The following ZC3H7A variants were observed in gnomAD, a reference collection of about 807,000 sequenced individuals.
ZC3H7A encodes the protein zinc finger CCCH domain-containing protein 7A.
In ZC3H7A, 44 loss-of-function variants were observed where a neutral mutation model predicts 125.5. The observed-to-expected ratio is 0.35, with a 90% CI of 0.28 to 0.45. The LOEUF (loss-of-function observed/expected upper bound fraction) is 0.45, where lower values mean the gene tolerates loss of function less well. Ranked by LOEUF, ZC3H7A falls within the 20% of genes least tolerant of loss-of-function variation. The pLI is 1.00. For missense variants in ZC3H7A, 977 were observed against 1,170.7 expected (o/e 0.83, Z 2.41); for synonymous variants, 399 against 391.2 (o/e 1.02, Z -0.23).
chr16:11,768,822 C>T (rs1230427065), intron 11 of ZC3H7A, among the ~76,000 whole-genome samples: 1 of 152,130 alleles, frequency 6.6e-6, no homozygotes, highest in Non-Finnish European at 1.5e-5. Context: ...CTTACATTGT[C>T]TGCAATACCG....
chr16:11,770,388 A>G (rs2052959118), intron 10 of ZC3H7A, among the ~76,000 whole-genome samples: 1 of 152,186 alleles, frequency 6.6e-6, no homozygotes, highest in Non-Finnish European at 1.5e-5. Context: ...TCTGATTGCT[A>G]GCATTCTAAA....
intron 1 of ZC3H7A, 110 bp from the exon 2 acceptor site, chr16:11,782,498 T>C: frequency 1.1e-6 from 1 of 903,240 alleles, no homozygotes; most frequent in Non-Finnish European, 1.7e-6. Context: ...GACACATCCA[T>C]TTCTGACTTG....
At chr16:11,768,888 T>C in intron 11 of ZC3H7A, 143 bp downstream of exon 11, 2 of 784,968 alleles carry the variant, frequency 2.5e-6, no homozygotes, top group Non-Finnish European at 4.0e-6. Context: ...TACTAGATGT[T>C]CCAGAAGTCT....
intron 20 of ZC3H7A, among the ~76,000 whole-genome samples, chr16:11,757,185 G>A (rs990621457): frequency 2.6e-5 from 4 of 152,058 alleles, no homozygotes; most frequent in Non-Finnish European, 4.4e-5. Flanking sequence ...GGGAAGGGGA[G>A]TGGCAAAATT....
chr16:11,796,249 G>C (rs1459297576), intron 1 of ZC3H7A: 3 of 152,160 alleles, frequency 2.0e-5, no homozygotes, highest in Non-Finnish European at 4.4e-5. Flanking sequence ...TTTCTCATCC[G>C]AAGTTTTTAA....
At chr16:11,752,513 G>C (rs1003478808) in intron 22 of ZC3H7A, among the ~76,000 whole-genome samples, 156 bp downstream of exon 22, 1 of 152,138 alleles carries the variant, frequency 6.6e-6, no homozygotes, top group Admixed American at 6.5e-5. Flanking sequence ...GATGAGCAGC[G>C]AAACACTTTG....
At chr16:11,770,485 C>G (rs188724523) in intron 10 of ZC3H7A, among the ~76,000 whole-genome samples, 1 of 152,160 alleles carries the variant, frequency 6.6e-6, no homozygotes, top group Non-Finnish European at 1.5e-5. Context: ...TACACCTTTA[C>G]GGGAGAATAC....
intron 20 of ZC3H7A, 82 bp downstream of exon 20, chr16:11,758,349 C>T: frequency 9.7e-7 from 1 of 1,030,204 alleles, no homozygotes; most frequent in Non-Finnish European, 1.5e-6. Flanking sequence ...TTTCTGTGTT[C>T]ACAGGAAGCT....
Position 11,756,332 on chromosome 16 carries a change from T to C in ZC3H7A, c.2467A>G (p.Ser823Gly). ...TCTTCACTTTTTTCATTTTTTTGACTCTTGAGCCATAGTTCGTAAAATTGC... is the reference window on the plus strand; with the variant it reads ...TCTTCACTTTTTTCATTTTTTTGACCCTTGAGCCATAGTTCGTAAAATTGC... ...MEQFYELWLK[S>G]QKNEKSEDIA... The change falls in exon 21 of 23, where the codon AGT becomes GGT. Residue 823 changes from serine to glycine, a missense_variant. Transcript: ENST00000355758. 1.2e-6 allele frequency: 2 copies of C among 1,613,900 alleles called. No homozygotes were observed. The highest frequency in any genetic ancestry group is 1.6e-4 in the Middle Eastern group (1 of 6,062).
intron 18 of ZC3H7A, 179 bp from the exon 19 acceptor site, chr16:11,761,690 A>G: frequency 1.2e-6 from 1 of 831,858 alleles, no homozygotes; most frequent in Non-Finnish European, 1.8e-6. Context: ...CACTCCCTAC[A>G]AACTCTAAAC....
At chr16:11,776,197 T>A in intron 7 of ZC3H7A, 123 bp downstream of exon 7, 1 of 918,526 alleles carries the variant, frequency 1.1e-6, no homozygotes, top group South Asian at 1.6e-5. Flanking sequence ...GTATTGCCAA[T>A]TACGTGTTTG....
chr16:11,783,479 T>C (rs1298756165), intron 1 of ZC3H7A, among the ~76,000 whole-genome samples: 1 of 152,176 alleles, frequency 6.6e-6, no homozygotes, highest in Non-Finnish European at 1.5e-5. Flanking sequence ...AGCTAATTCC[T>C]TGTCTTGTGA....
In ZC3H7A at chr16:11,758,306, T is replaced by C. The variant is rs895021085; in HGVS notation, c.2428+125A>G. Reference sequence around the variant, plus strand: ...GCATCATCGCCAACAGAGCTACTGATGAAACGGGGCAACCGTTTAGAATGC... The same window carrying C: ...GCATCATCGCCAACAGAGCTACTGACGAAACGGGGCAACCGTTTAGAATGC... On this transcript the variant is annotated intron_variant, in intron 20 of 22. Coordinates refer to ENST00000355758, the MANE Select transcript of ZC3H7A (RefSeq NM_014153.4). The C allele has an allele frequency of 8.3e-6, 6 of 724,944 alleles. No homozygotes were observed. In the Admixed American group the frequency reaches 1.3e-4, roughly 15 times the overall value. 44.9% of individuals were successfully genotyped at this position (724,944 alleles called of 1,614,324 possible).
rs1331438365 is a variant in ZC3H7A at position 11,762,714 on chromosome 16, T to G, written c.2036A>C (p.Lys679Thr). The G allele has an allele frequency of 6.2e-7, 1 of 1,613,982 alleles. No homozygotes were observed. The highest frequency in any genetic ancestry group is 8.5e-7 in the Non-Finnish European group (1 of 1,180,010). The change falls in exon 17 of 23, where the codon AAA becomes ACA. Residue 679 changes from lysine to threonine, a missense_variant. By Grantham distance (78) the Lys-to-Thr change is moderately conservative. Transcript: ENST00000355758. ...ISHDAIAQES[K>T]RYWQNLEANV... ...TGCTTCCAAATTCTGCCAATATCGT[T>G]TAGACTCTTGAGCAATAGCATCATG...
chr16:11,787,839 G>C (rs537308886), intron 1 of ZC3H7A, among the ~76,000 whole-genome samples: 1 of 151,996 alleles, frequency 6.6e-6, no homozygotes, highest in East Asian at 1.9e-4. Context: ...CCAGCTACTC[G>C]GAAGGCTGAG....
intron 3 of ZC3H7A, among the ~76,000 whole-genome samples, chr16:11,781,178 T>C (rs1269416713): frequency 6.6e-6 from 1 of 152,188 alleles, no homozygotes; most frequent in African/African-American, 2.4e-5. Context: ...TTAGGCTCCA[T>C]GGGCCATATG....
At chr16:11,752,884 G>C (rs2052575980) in intron 21 of ZC3H7A, 52 bp from the exon 22 acceptor site, 1 of 1,576,696 alleles carries the variant, frequency 6.3e-7, no homozygotes, top group Non-Finnish European at 8.6e-7. Flanking sequence ...GTGAGATCCA[G>C]ACTCAATTCC....
At chr16:11,754,321 A>AAAAT (rs763451215) in intron 21 of ZC3H7A, among the ~76,000 whole-genome samples, 6 of 140,478 alleles carry the variant, frequency 4.3e-5, no homozygotes, top group Non-Finnish European at 6.1e-5. Flanking sequence ...AAGAAAAAAA[A>AAAAT]ATATATATAT....
In ZC3H7A at chr16:11,750,620, G is replaced by A. The variant is rs1004509317; in HGVS notation, c.*697C>T. The stretch of plus-strand genomic sequence containing the variant: ...TCTATATATAAAATCTTTATTACAG[G>A]CAGTATTGGTCCATACACTAACACA... On this transcript the variant is annotated 3_prime_UTR_variant, in exon 23 of 23. Coordinates refer to ENST00000355758, the MANE Select transcript of ZC3H7A (RefSeq NM_014153.4). 1.3e-5 allele frequency: 2 copies of A among 152,448 alleles called. No individual in the cohort carries two copies. The highest frequency in any genetic ancestry group is 2.9e-5 in the Non-Finnish European group (2 of 68,018). The allele number at this position is 152,448 out of a possible 1,614,324, so 9.4% of individuals were successfully genotyped here.
Sources: gnomAD v4.1 joint callset for allele counts (sites outside exome capture counted in the v4.1 genomes callset) on GRCh38, gnomAD v4.1.1 for gene constraint, MANE v1.5 for transcripts, NCBI Gene and HGNC (gene_info 2026-07-23, HGNC 2026-07-21) for gene names.